ANTXR1: variants seen among roughly 807,000 people sequenced by gnomAD.
ANTXR1 encodes the protein anthrax toxin receptor 1.
A neutral mutation model predicts 78.1 loss-of-function variants in ANTXR1; 19 were observed. The ratio of observed to expected loss-of-function variants is 0.24; its 90% CI spans 0.17 to 0.36. The LOEUF (loss-of-function observed/expected upper bound fraction) is 0.36, where lower values mean the gene tolerates loss of function less well. Among genes scored for constraint, ANTXR1 ranks in the 10% least tolerant of loss-of-function variants. The probability of loss-of-function intolerance (pLI) is 1.00; values close to 1 mark genes in which losing one functional copy is unlikely to be tolerated. For synonymous variants in ANTXR1, 273 were observed against 260.5 expected, an observed-to-expected ratio of 1.05 and a Z score of -0.46; for missense variants, 518 against 718.6, an observed-to-expected ratio of 0.72 and a Z score of 3.19.
chr2:69,064,908 TAAGTG>T (rs1266294487), intron 3 of ANTXR1, among the ~76,000 whole-genome samples: 3 of 152,146 alleles, frequency 2.0e-5, no homozygotes, highest in African/African-American at 7.2e-5. Context: ...TGTATAGCTT[TAAGTG>T]TTTTTCTTAG....
chr2:69,054,783 CA>C (rs1670021756), intron 3 of ANTXR1, among the ~76,000 whole-genome samples: 1 of 152,106 alleles, frequency 6.6e-6, no homozygotes, highest in Admixed American at 6.5e-5. Flanking sequence ...TTAAAAGCAA[CA>C]AGGAGAAAGA....
At chr2:69,151,092 C>G (rs1184479101) in intron 12 of ANTXR1, among the ~76,000 whole-genome samples, 1 of 150,288 alleles carries the variant, frequency 6.7e-6, no homozygotes, top group African/African-American at 2.5e-5. Flanking sequence ...CGTAGTAATT[C>G]TGTAATGCAT....
rs2104539219 is a variant in ANTXR1 at position 69,247,672 on chromosome 2, CACA to C, written c.*2188_*2190del. 6.5e-6 allele frequency: 1 copy of C among 152,680 alleles called. No individual in the cohort carries two copies. The highest frequency in any genetic ancestry group is 2.1e-4 in the South Asian group (1 of 4,824). The allele number at this position is 152,680 out of a possible 1,614,324, so 9.5% of individuals were successfully genotyped here. The stretch of plus-strand genomic sequence containing the variant: ...CATAGGAGAATGGGTTCCCCAGGCT[CACA>C]GTGTAGAGACATTGAGCCCATCACA... On this transcript the variant is annotated 3_prime_UTR_variant, in exon 18 of 18. Transcript: ENST00000303714.
chr2:69,213,661 C>T (rs1210443818), intron 17 of ANTXR1, among the ~76,000 whole-genome samples: 1 of 152,240 alleles, frequency 6.6e-6, no homozygotes, highest in Admixed American at 6.5e-5. Flanking sequence ...CCTGTGGAAG[C>T]ACAGCTTGGT....
intron 9 of ANTXR1, among the ~76,000 whole-genome samples, chr2:69,102,301 C>T (rs921683950): frequency 3.3e-5 from 5 of 152,238 alleles, no homozygotes; most frequent in Admixed American, 1.3e-4. Context: ...AGAACACCAC[C>T]AGACCATACA....
chr2:69,167,823 T>C (rs1314779809), intron 13 of ANTXR1, among the ~76,000 whole-genome samples: 1 of 152,208 alleles, frequency 6.6e-6, no homozygotes, highest in East Asian at 1.9e-4. Context: ...GAAATCTGGA[T>C]CATAAACCAG....
intron 17 of ANTXR1, among the ~76,000 whole-genome samples, chr2:69,212,839 C>T (rs934053913): frequency 1.3e-5 from 2 of 151,966 alleles, no homozygotes; most frequent in African/African-American, 4.8e-5. Flanking sequence ...CATGGGGTCT[C>T]ACTATATTGC....
At chr2:69,120,829 G>A (rs1322748817) in intron 10 of ANTXR1, among the ~76,000 whole-genome samples, 2 of 152,146 alleles carry the variant, frequency 1.3e-5, no homozygotes, top group Admixed American at 6.5e-5. Context: ...ACCTCCAGTA[G>A]TTCCCTGTTG....
At chr2:69,179,984 G>A (rs1674233007) in intron 14 of ANTXR1, among the ~76,000 whole-genome samples, 1 of 152,208 alleles carries the variant, frequency 6.6e-6, no homozygotes, top group Non-Finnish European at 1.5e-5. Context: ...GAGAGAGAGA[G>A]ACACCCAAGT....
intron 1 of ANTXR1, among the ~76,000 whole-genome samples, chr2:69,025,986 G>A (rs531023068): frequency 6.6e-6 from 1 of 152,324 alleles, no homozygotes; most frequent in South Asian, 2.1e-4. Context: ...CCATTAAAAT[G>A]GGCAGCCATT....
At chr2:69,223,638 T>C (rs1221542538) in intron 17 of ANTXR1, among the ~76,000 whole-genome samples, 1 of 152,208 alleles carries the variant, frequency 6.6e-6, no homozygotes, top group Non-Finnish European at 1.5e-5. Context: ...ACTGTCATCA[T>C]CATAATGACA....
At chr2:69,073,179 T>C in intron 6 of ANTXR1, 78 bp downstream of exon 6, 1 of 1,263,184 alleles carries the variant, frequency 7.9e-7, no homozygotes, top group East Asian at 2.3e-5. Context: ...ACACTCTCTC[T>C]ATTCATGTGA....
At chr2:69,119,834 T>C (rs1253069806) in intron 10 of ANTXR1, among the ~76,000 whole-genome samples, 1 of 152,216 alleles carries the variant, frequency 6.6e-6, no homozygotes, top group East Asian at 1.9e-4. Context: ...TTAATCTCTC[T>C]ATGTCTGTTC....
At chr2:69,066,025 A>G (rs1670386559) in intron 3 of ANTXR1, among the ~76,000 whole-genome samples, 1 of 152,244 alleles carries the variant, frequency 6.6e-6, no homozygotes, top group Non-Finnish European at 1.5e-5. Context: ...TAGATCCACA[A>G]AAACAAATTC....
At chr2:69,074,428 G>A (rs1670666324) in intron 6 of ANTXR1, among the ~76,000 whole-genome samples, 1 of 152,184 alleles carries the variant, frequency 6.6e-6, no homozygotes, top group Admixed American at 6.5e-5. Flanking sequence ...ATAGGGATTA[G>A]TGGGAAGGAA....
At chr2:69,233,827 A>C (rs1675685865) in intron 17 of ANTXR1, among the ~76,000 whole-genome samples, 1 of 152,044 alleles carries the variant, frequency 6.6e-6, no homozygotes, top group African/African-American at 2.4e-5. Flanking sequence ...GGAAAATATT[A>C]AATTATATCA....
At chr2:69,039,298 A>C (rs1267723933) in intron 1 of ANTXR1, among the ~76,000 whole-genome samples, 5 of 152,220 alleles carry the variant, frequency 3.3e-5, no homozygotes, top group Admixed American at 6.5e-5. Context: ...GGTACCAGTG[A>C]AACAGAAGTC....
chr2:69,226,728 T>A (rs1675464225), intron 17 of ANTXR1, among the ~76,000 whole-genome samples: 1 of 152,222 alleles, frequency 6.6e-6, no homozygotes, highest in Non-Finnish European at 1.5e-5. Flanking sequence ...TGAGTCCACT[T>A]TTAATGAACA....
chr2:69,041,871 C>T (rs916835579), intron 2 of ANTXR1, among the ~76,000 whole-genome samples: 8 of 152,110 alleles, frequency 5.3e-5, no homozygotes, highest in Admixed American at 6.5e-5. Flanking sequence ...TGGTTGTCTC[C>T]GCTAACCCTG....
Sources: allele counts gnomAD v4.1 joint callset (sites outside exome capture counted in the v4.1 genomes callset), GRCh38; gene constraint gnomAD v4.1.1; transcripts MANE v1.5; gene names NCBI Gene and HGNC (gene_info 2026-07-23, HGNC 2026-07-21).